RAD51B: variants seen among roughly 807,000 people sequenced by gnomAD.
RAD51B encodes the protein DNA repair protein RAD51 homolog 2.
Under a neutral mutation model 42.2 loss-of-function variants are expected in RAD51B, and 38 were observed. The ratio of observed to expected loss-of-function variants is 0.90; its 90% CI spans 0.70 to 1.18. RAD51B has a LOEUF of 1.18. Ranked by LOEUF, RAD51B falls within the 50% of genes most tolerant of loss-of-function variation. RAD51B has a pLI of 0.00. For missense variants in RAD51B, 373 were observed against 400.7 expected (o/e 0.93, Z 0.59); for synonymous variants, 154 against 145.2 (o/e 1.06, Z -0.43).
At chr14:68,164,123 C>T (rs1185367725) in intron 7 of RAD51B, among the ~76,000 whole-genome samples, 2 of 152,212 alleles carry the variant, frequency 1.3e-5, no homozygotes, top group African/African-American at 2.4e-5. Flanking sequence ...GGTCACTTGA[C>T]TAAACAAGTG....
chr14:68,595,238 C>T (rs1324739632), exon 11 of RAD51B: 3 of 1,058,072 alleles, frequency 2.8e-6, no homozygotes, highest in Non-Finnish European at 2.3e-6. Flanking sequence ...AAATGATTCA[C>T]CCTGGAATAC....
At chr14:68,393,777 C>G (rs1288887086) in intron 8 of RAD51B, among the ~76,000 whole-genome samples, 1 of 152,120 alleles carries the variant, frequency 6.6e-6, no homozygotes, top group African/African-American at 2.4e-5. Context: ...ATATTTAGGG[C>G]CCCCTTTTAA....
At chr14:67,931,353 T>G (rs1010385660) in intron 7 of RAD51B, among the ~76,000 whole-genome samples, 5 of 152,142 alleles carry the variant, frequency 3.3e-5, no homozygotes, top group Non-Finnish European at 7.3e-5. Context: ...AATTTTGGTT[T>G]GTTTCTTTTT....
chr14:68,494,285 A>G (rs943908192), intron 10 of RAD51B, among the ~76,000 whole-genome samples: 211 of 150,270 alleles, frequency 1.4e-3, no homozygotes, highest in Middle Eastern at 6.8e-3. Flanking sequence ...GTCTCAAAAA[A>G]AAAAAAAAAA....
At chr14:68,511,580 A>C (rs888772351) in intron 10 of RAD51B, among the ~76,000 whole-genome samples, 3 of 152,236 alleles carry the variant, frequency 2.0e-5, no homozygotes, top group African/African-American at 7.2e-5. Flanking sequence ...GAGAATTGCT[A>C]TTAAATAACC....
chr14:68,508,872 C>T (rs890809747), intron 10 of RAD51B, among the ~76,000 whole-genome samples: 2 of 152,238 alleles, frequency 1.3e-5, no homozygotes, highest in Non-Finnish European at 2.9e-5. Context: ...ACCCAGGGTT[C>T]CCTACAAAGG....
rs34773405 is a variant in RAD51B at position 67,826,686 on chromosome 14, CT to C, written c.198+1123del. ...TATTTGAACAACAGATATTTTCTTT[CT>C]TTTTTTTTTTTTTGAGATGAGGTCT... is the stretch of plus-strand genomic sequence containing the variant. On this transcript the variant is annotated intron_variant, in intron 3 of 10. Transcript: ENST00000471583. 6.4e-3 allele frequency among the ~76,000 whole-genome samples: 909 copies of C among 142,226 alleles called. 4 individuals are homozygous for C. Among genetic ancestry groups the C allele is most frequent in the Non-Finnish European group, 8.6e-3 (558 of 64,544 alleles). The allele number at this position is 142,226 out of a possible 152,430, so 93.3% of individuals were successfully genotyped here. A position where few individuals can be genotyped will look rare whatever the true frequency, so the allele number is the denominator to read the frequency against.
intron 7 of RAD51B, among the ~76,000 whole-genome samples, chr14:68,230,364 A>T (rs924022271): frequency 6.6e-6 from 1 of 152,216 alleles, no homozygotes; most frequent in African/African-American, 2.4e-5. Context: ...TGGTCACGTC[A>T]AGGCACCACC....
At chr14:68,084,238 G>GT (rs1268486339) in intron 7 of RAD51B, among the ~76,000 whole-genome samples, 3 of 152,164 alleles carry the variant, frequency 2.0e-5, no homozygotes, top group Admixed American at 6.5e-5. Flanking sequence ...AATGGAAAGT[G>GT]TCATATCTCA....
chr14:68,229,520 A>G (rs1342764854), intron 7 of RAD51B, among the ~76,000 whole-genome samples: 1 of 152,182 alleles, frequency 6.6e-6, no homozygotes, highest in African/African-American at 2.4e-5. Context: ...GCCATTGTCA[A>G]TGTCTTATAT....
chr14:68,423,652 A>AT (rs2140114066), intron 9 of RAD51B, among the ~76,000 whole-genome samples: 1 of 152,238 alleles, frequency 6.6e-6, no homozygotes, highest in South Asian at 2.1e-4. Context: ...AATGAGTACC[A>AT]TGTTCATGTA....
intron 7 of RAD51B, among the ~76,000 whole-genome samples, chr14:68,031,290 C>G (rs2076037437): frequency 6.6e-6 from 1 of 152,092 alleles, no homozygotes. Context: ...TATTCACTAC[C>G]ATGAGAACAG....
At chr14:68,512,900 G>A (rs1885831939) in intron 10 of RAD51B, among the ~76,000 whole-genome samples, 2 of 151,988 alleles carry the variant, frequency 1.3e-5, no homozygotes, top group Non-Finnish European at 1.5e-5. Context: ...AGCAGAGATT[G>A]GATGAAGAGA....
chr14:67,971,677 G>A (rs925895957), intron 7 of RAD51B, among the ~76,000 whole-genome samples: 6 of 151,910 alleles, frequency 3.9e-5, no homozygotes, highest in African/African-American at 4.8e-5. Flanking sequence ...CCCCTTAGAC[G>A]TTTTTTATTC....
At chr14:68,231,590 A>G (rs1373106706) in intron 7 of RAD51B, among the ~76,000 whole-genome samples, 2 of 152,208 alleles carry the variant, frequency 1.3e-5, no homozygotes, top group African/African-American at 4.8e-5. Flanking sequence ...GAAAAGCAGC[A>G]GCTGTCATTG....
intron 10 of RAD51B, among the ~76,000 whole-genome samples, chr14:68,550,096 C>G (rs1888455949): frequency 6.6e-6 from 1 of 152,162 alleles, no homozygotes; most frequent in Non-Finnish European, 1.5e-5. Flanking sequence ...CAGGCTCTGC[C>G]CCCTTTCACT....
intron 7 of RAD51B, among the ~76,000 whole-genome samples, chr14:68,207,157 A>G (rs1160193087): frequency 2.0e-5 from 3 of 152,112 alleles, no homozygotes; most frequent in African/African-American, 7.2e-5. Flanking sequence ...GCTCATTACT[A>G]TTGAGGTATC....
chr14:67,909,163 G>A (rs2043881018), intron 7 of RAD51B, among the ~76,000 whole-genome samples: 1 of 152,146 alleles, frequency 6.6e-6, no homozygotes, highest in Non-Finnish European at 1.5e-5. Flanking sequence ...TTAAGAGGTA[G>A]AGTCGTGAAG....
intron 7 of RAD51B, among the ~76,000 whole-genome samples, chr14:67,981,661 G>A (rs570095805): frequency 7.4e-4 from 113 of 152,242 alleles, no homozygotes; most frequent in African/African-American, 2.7e-3. Context: ...GTAACAACAT[G>A]GATGGCACTT....
Sources: gnomAD v4.1 joint callset for allele counts (sites outside exome capture counted in the v4.1 genomes callset) on GRCh38, gnomAD v4.1.1 for gene constraint, MANE v1.5 for transcripts, NCBI Gene and HGNC (gene_info 2026-07-23, HGNC 2026-07-21) for gene names.